LRRC49: variants seen among roughly 807,000 people sequenced by gnomAD.
LRRC49 encodes the protein leucine-rich repeat-containing protein 49.
In LRRC49, 50 loss-of-function variants were observed where a neutral mutation model predicts 83.3. That is an observed-to-expected ratio of 0.60 (90% CI 0.48 to 0.76). The LOEUF (loss-of-function observed/expected upper bound fraction) is 0.76. LRRC49 is among the 30% of genes least tolerant of loss of function. The probability of loss-of-function intolerance (pLI) is 0.00; values close to 1 mark genes in which losing one functional copy is unlikely to be tolerated. For synonymous variants in LRRC49, 286 were observed against 283.3 expected, an observed-to-expected ratio of 1.01 and a Z score of -0.10; for missense variants, 704 against 809.1, an observed-to-expected ratio of 0.87 and a Z score of 1.58.
chr15:70,909,073 T>C (rs899998302), intron 5 of LRRC49, among the ~76,000 whole-genome samples: 4 of 152,214 alleles, frequency 2.6e-5, no homozygotes, highest in African/African-American at 4.8e-5. Context: ...TTTCTCTGAT[T>C]GAAGGGCCTT....
chr15:70,871,585 CCCCA>C (rs1428576576), intron 1 of LRRC49, among the ~76,000 whole-genome samples: 2 of 151,230 alleles, frequency 1.3e-5, no homozygotes, highest in Non-Finnish European at 2.9e-5. Context: ...GGGGGCTGCC[CCCCA>C]CCTCCTGGAC....
At chr15:70,885,135 A>G (rs192559210) in intron 2 of LRRC49, among the ~76,000 whole-genome samples, 5 of 152,342 alleles carry the variant, frequency 3.3e-5, no homozygotes, top group Admixed American at 2.6e-4. Context: ...TCTTCAGATT[A>G]AAAGCTTAGA....
chr15:70,887,096 G>A (rs1211905543), intron 2 of LRRC49, among the ~76,000 whole-genome samples: 2 of 151,998 alleles, frequency 1.3e-5, no homozygotes, highest in Non-Finnish European at 2.9e-5. Context: ...AAAGAACTCT[G>A]AATAACCTTA....
chr15:70,983,986 C>G (rs2037497556), intron 10 of LRRC49, 108 bp from the exon 11 acceptor site: 1 of 766,906 alleles, frequency 1.3e-6, no homozygotes, highest in East Asian at 2.7e-5. Flanking sequence ...AAGGAACAGG[C>G]TCCTTTTAAA....
At chr15:70,960,504 A>T (rs1020124256) in intron 8 of LRRC49, among the ~76,000 whole-genome samples, 2 of 152,228 alleles carry the variant, frequency 1.3e-5, no homozygotes, top group African/African-American at 4.8e-5. Context: ...CTAAGTGTTT[A>T]AATCATTTCA....
chr15:70,866,453 A>G (rs969264493), intron 1 of LRRC49, among the ~76,000 whole-genome samples: 5 of 152,124 alleles, frequency 3.3e-5, no homozygotes, highest in East Asian at 1.9e-4. Context: ...CCACTAAGAC[A>G]TGTTTAAATA....
At position 71,004,695 on chromosome 15, in the gene LRRC49, A is replaced by G. The variant is rs867246651; in HGVS notation, c.1170-3684A>G. Among the ~76,000 whole-genome samples the G allele has an allele frequency of 5.1e-4, 78 of 152,156 alleles. No individual in the cohort carries two copies. In the Middle Eastern group the frequency reaches 0.031, roughly 60 times the overall value. ...AAGAGAGAAAATGTGGTACATATAC[A>G]CCAAGGAATACTATGCAGCCATAAA... On this transcript the variant is annotated intron_variant, in intron 11 of 15. Coordinates refer to ENST00000260382, the MANE Select transcript of LRRC49 (RefSeq NM_017691.5).
At chr15:70,948,925 G>T (rs1446505543) in intron 8 of LRRC49, among the ~76,000 whole-genome samples, 1 of 152,102 alleles carries the variant, frequency 6.6e-6, no homozygotes, top group Non-Finnish European at 1.5e-5. Flanking sequence ...CAGGCCAGTT[G>T]GTCTCTGTTT....
intron 3 of LRRC49, among the ~76,000 whole-genome samples, chr15:70,898,690 G>C (rs2033941405): frequency 6.6e-6 from 1 of 152,124 alleles, no homozygotes; most frequent in Non-Finnish European, 1.5e-5. Flanking sequence ...GGCTGAGGTA[G>C]GAGGATCACT....
intron 7 of LRRC49, among the ~76,000 whole-genome samples, chr15:70,929,889 C>A (rs1031128018): frequency 6.6e-6 from 1 of 152,186 alleles, no homozygotes; most frequent in Non-Finnish European, 1.5e-5. Flanking sequence ...CATCTTTAGG[C>A]TCCACTTTTA....
rs757899673 is a variant in LRRC49 at position 71,008,386 on chromosome 15, G to A, written c.1177G>A (p.Asp393Asn). 9 of 1,609,498 alleles carry A rather than the reference G, an allele frequency of 5.6e-6. No homozygotes were observed. The Admixed American group carries it at 1.5e-4, about 27-fold the overall frequency. The change falls in exon 12 of 16, where the codon GAC becomes AAC. Residue 393 changes from aspartate to asparagine, a missense_variant. By Grantham distance (23) the Asp-to-Asn change is conservative. Transcript: ENST00000260382. ...ATACTTTGGGTTTTCCAGGCCTCTA[G>A]ACTCAGGACTCAACAATGCTTTACA... ...SAFPEETGPLDSGLNNALQGL... is the reference protein window; with the variant it reads ...SAFPEETGPLNSGLNNALQGL...
At chr15:71,008,680 A>G (rs1314021812) in intron 12 of LRRC49, 64 bp downstream of exon 12, 63 of 1,166,770 alleles carry the variant, frequency 5.4e-5, no homozygotes, top group Non-Finnish European at 7.5e-5. Context: ...TGTTCAGGCC[A>G]AAGACCTGTT....
At chr15:71,014,324 T>C (rs2141268216) in intron 14 of LRRC49, among the ~76,000 whole-genome samples, 1 of 152,224 alleles carries the variant, frequency 6.6e-6, no homozygotes, top group East Asian at 1.9e-4. Flanking sequence ...AGATAATAGG[T>C]ACTAATTAAC....
At chr15:70,861,465 A>G (rs1333537379) in intron 1 of LRRC49, among the ~76,000 whole-genome samples, 2 of 130,192 alleles carry the variant, frequency 1.5e-5, no homozygotes, top group East Asian at 4.3e-4. Context: ...TATCAGCATT[A>G]TGAATGGAAG....
At chr15:70,912,408 C>T (rs1036547415) in intron 6 of LRRC49, among the ~76,000 whole-genome samples, 4 of 152,054 alleles carry the variant, frequency 2.6e-5, no homozygotes, top group African/African-American at 9.7e-5. Flanking sequence ...AAATGTTTAA[C>T]TTTAAAAGAT....
intron 6 of LRRC49, among the ~76,000 whole-genome samples, chr15:70,916,705 G>T (rs2034790141): frequency 6.6e-6 from 1 of 152,148 alleles, no homozygotes. Flanking sequence ...GAGCCAGGTG[G>T]ACCTGGGGAC....
chr15:70,932,377 A>G lies in LRRC49; in HGVS notation c.712-4384A>G, dbSNP rs144695592. 8.6e-3 allele frequency among the ~76,000 whole-genome samples: 1,312 copies of G among 152,278 alleles called. 8 individuals are homozygous for G. The highest frequency in any genetic ancestry group is 0.015 in the Non-Finnish European group (1,047 of 68,020). ...TTAATTTAATAAGTCTTTTTTTTAA[A>G]AAGGAATACTTCATTGTTTTTTGTT... On this transcript the variant is annotated intron_variant, in intron 7 of 15. Coordinates refer to ENST00000260382, the MANE Select transcript of LRRC49 (RefSeq NM_017691.5).
chr15:70,895,117 G>T (rs941056633), intron 2 of LRRC49, among the ~76,000 whole-genome samples: 2 of 152,052 alleles, frequency 1.3e-5, no homozygotes, highest in Non-Finnish European at 2.9e-5. Flanking sequence ...TAATGCAAAT[G>T]CCAACATAAT....
chr15:71,048,898 C>G (rs1405163849), intron 15 of LRRC49: 3 of 454,772 alleles, frequency 6.6e-6, no homozygotes, highest in Admixed American at 4.7e-5. Context: ...CAACTTTCTC[C>G]AAATGGTCAA....
Sources: allele counts gnomAD v4.1 joint callset (sites outside exome capture counted in the v4.1 genomes callset), GRCh38; gene constraint gnomAD v4.1.1; transcripts MANE v1.5; gene names NCBI Gene and HGNC (gene_info 2026-07-23, HGNC 2026-07-21).